TLL1: variants seen among roughly 807,000 people sequenced by gnomAD.
TLL1 encodes tolloid like 1.
Under a neutral mutation model 128.2 loss-of-function variants are expected in TLL1, and 49 were observed. The observed-to-expected ratio is 0.38, with a 90% CI of 0.30 to 0.48. The LOEUF (loss-of-function observed/expected upper bound fraction) is 0.48. TLL1 is among the 20% of genes least tolerant of loss of function. The pLI is 0.96. For synonymous variants in TLL1, 454 were observed against 418.8 expected (o/e 1.08, Z -1.03); for missense variants, 1,123 against 1,242.0 (o/e 0.90, Z 1.44).
At chr4:165,902,188 G>C (rs544563759) in intron 1 of TLL1, among the ~76,000 whole-genome samples, 2 of 152,232 alleles carry the variant, frequency 1.3e-5, no homozygotes, top group East Asian at 3.9e-4. Context: ...GCTCCATGTG[G>C]GTGTGATCTG....
intron 18 of TLL1, among the ~76,000 whole-genome samples, chr4:166,084,048 C>T (rs550249242): frequency 1.2e-4 from 19 of 152,070 alleles, no homozygotes; most frequent in South Asian, 4.1e-4. Flanking sequence ...CACCAACACT[C>T]GTTATCTTTT....
chr4:165,904,501 G>A (rs1277571260), intron 1 of TLL1, among the ~76,000 whole-genome samples: 2 of 152,066 alleles, frequency 1.3e-5, no homozygotes, highest in African/African-American at 4.8e-5. Context: ...AAGCAGGCAG[G>A]GAAGAAGGAG....
intron 12 of TLL1, chr4:166,044,463 T>G: frequency 1.3e-6 from 2 of 1,517,296 alleles, no homozygotes; most frequent in Non-Finnish European, 1.8e-6. Flanking sequence ...TACTTGTCTC[T>G]GTCCCCTTGC....
At chr4:166,077,752 G>A (rs1741099142) in intron 17 of TLL1, 151 bp from the exon 18 acceptor site, 2 of 958,096 alleles carry the variant, frequency 2.1e-6, no homozygotes, top group Non-Finnish European at 3.2e-6. Flanking sequence ...ATTTTCCAGA[G>A]CAGATGAATA....
chr4:165,905,673 C>A (rs978142363), intron 1 of TLL1, among the ~76,000 whole-genome samples: 2 of 152,164 alleles, frequency 1.3e-5, no homozygotes, highest in African/African-American at 4.8e-5. Context: ...CACACTCCTA[C>A]TTTTATAGAG....
At chr4:166,014,150 G>C (rs1321989098) in intron 7 of TLL1, among the ~76,000 whole-genome samples, 1 of 151,832 alleles carries the variant, frequency 6.6e-6, no homozygotes, top group East Asian at 1.9e-4. Flanking sequence ...AAATGTCATG[G>C]TGTACTTTGT....
chr4:166,088,224 C>T (rs183295273), intron 18 of TLL1, among the ~76,000 whole-genome samples: 53 of 152,042 alleles, frequency 3.5e-4, no homozygotes, highest in African/African-American at 8.9e-4. Context: ...GACATTTCTG[C>T]GGCATTGGTT....
intron 1 of TLL1, among the ~76,000 whole-genome samples, chr4:165,906,702 C>A (rs140382196): frequency 3.3e-5 from 5 of 151,994 alleles, no homozygotes; most frequent in African/African-American, 1.2e-4. Context: ...TGTGAGTAGA[C>A]AATTCTTTTA....
chr4:165,934,587 T>A (rs1332129525), intron 1 of TLL1, among the ~76,000 whole-genome samples: 1 of 152,292 alleles, frequency 6.6e-6, no homozygotes, highest in Non-Finnish European at 1.5e-5. Flanking sequence ...AGTGTGCTGA[T>A]GGCACTGAGG....
intron 12 of TLL1, among the ~76,000 whole-genome samples, chr4:166,051,299 T>TTTCCTTTCCTTCCTTCCTTCCTTCCTTCC (rs1739718149): frequency 7.9e-6 from 1 of 126,420 alleles, no homozygotes; most frequent in Admixed American, 8.4e-5. Context: ...CCCTCCCTCC[T>TTTCCTTTCCTTCCTTCCTTCCTTCCTTCC]TTCCTTCCTT....
chr4:166,027,939 G>GA (rs1262351547), intron 9 of TLL1, among the ~76,000 whole-genome samples: 4 of 151,958 alleles, frequency 2.6e-5, no homozygotes, highest in East Asian at 1.9e-4. Flanking sequence ...TAAATAGGAA[G>GA]AAAAAATCTA....
At chr4:165,954,065 T>TTTA (rs1734663209) in intron 1 of TLL1, among the ~76,000 whole-genome samples, 1 of 152,154 alleles carries the variant, frequency 6.6e-6, no homozygotes, top group Non-Finnish European at 1.5e-5. Flanking sequence ...AAGATTTACT[T>TTTA]TTATTATGTC....
In TLL1 at chr4:166,091,270, A is replaced by G. The variant is rs772360757; in HGVS notation, c.2585A>G (p.Asn862Ser). 7 of 1,613,218 alleles carry G rather than the reference A, an allele frequency of 4.3e-6. No individual in the cohort carries two copies. The highest frequency in any genetic ancestry group is 5.9e-6 in the Non-Finnish European group (7 of 1,179,482). ...CCAGATCCCCTTGTGGCTACTGGAA[A>G]TAAAATGTTTGTTCGGTTTGTTTCT... The part of the protein sequence containing the change: ...KIPDPLVATG[N>S]KMFVRFVSDA... The change falls in exon 19 of 21, where the codon AAT becomes AGT. Residue 862 changes from asparagine (N) to serine (S), a missense_variant. Around this residue, in one of 3 missense-constraint regions of TLL1, gnomAD observed 634 missense variants for 672.4 expected, o/e 0.94. Coordinates refer to ENST00000061240, the MANE Select transcript of TLL1 (RefSeq NM_012464.5).
chr4:165,926,110 C>T (rs1733256605), intron 1 of TLL1, among the ~76,000 whole-genome samples: 2 of 152,116 alleles, frequency 1.3e-5, no homozygotes, highest in Admixed American at 1.3e-4. Context: ...GCAATATCTC[C>T]AAGGTATGCC....
At chr4:166,037,975 A>G (rs1434123780) in intron 9 of TLL1, among the ~76,000 whole-genome samples, 1 of 152,146 alleles carries the variant, frequency 6.6e-6, no homozygotes, top group Non-Finnish European at 1.5e-5. Context: ...TTCATCACTG[A>G]TCACTGTGGT....
intron 16 of TLL1, among the ~76,000 whole-genome samples, chr4:166,071,391 A>G (rs1246212189): frequency 6.6e-6 from 1 of 151,926 alleles, no homozygotes; most frequent in Non-Finnish European, 1.5e-5. Flanking sequence ...CCATGAAGGA[A>G]TGGAAAGCAG....
chr4:165,907,707 C>A (rs1314672060), intron 1 of TLL1, among the ~76,000 whole-genome samples: 1 of 152,026 alleles, frequency 6.6e-6, no homozygotes, highest in Non-Finnish European at 1.5e-5. Context: ...CAACACCACG[C>A]CCGTCTAATT....
intron 1 of TLL1, among the ~76,000 whole-genome samples, chr4:165,887,867 C>G (rs1178335773): frequency 1.3e-5 from 2 of 151,804 alleles, no homozygotes; most frequent in Non-Finnish European, 2.9e-5. Flanking sequence ...GTAATTTGTG[C>G]CTGCTTTTGA....
chr4:165,879,525 T>C (rs555562393), intron 1 of TLL1, among the ~76,000 whole-genome samples: 1 of 152,312 alleles, frequency 6.6e-6, no homozygotes, highest in South Asian at 2.1e-4. Flanking sequence ...CTTCTGGAAC[T>C]CAGGTAGGTA....
Sources: allele counts gnomAD v4.1 joint callset (sites outside exome capture counted in the v4.1 genomes callset), GRCh38; gene constraint gnomAD v4.1.1; regional missense constraint gnomAD v4.1.1; transcripts MANE v1.5; gene names NCBI Gene and HGNC (gene_info 2026-07-23, HGNC 2026-07-21).